The following PARD3 variants were observed in gnomAD, a reference collection of about 807,000 sequenced individuals.
The protein encoded by PARD3 is partitioning defective 3 homolog.
In PARD3, 75 loss-of-function variants were observed where a neutral mutation model predicts 155.4. The ratio of observed to expected loss-of-function variants is 0.48; its 90% confidence interval spans 0.40 to 0.58. PARD3 has a LOEUF of 0.58. Among genes scored for constraint, PARD3 ranks in the 20% least tolerant of loss-of-function variants. The pLI, the probability that PARD3 is intolerant of heterozygous loss-of-function variation, is 0.00. For missense variants in PARD3, 1,642 were observed against 1,721.7 expected (o/e 0.95, Z 0.82); for synonymous variants, 576 against 610.5 (o/e 0.94, Z 0.83).
intron 1 of PARD3, among the ~76,000 whole-genome samples, chr10:34,811,617 C>A (rs891091857): frequency 6.6e-6 from 1 of 152,200 alleles, no homozygotes; most frequent in East Asian, 1.9e-4. Flanking sequence ...CACAGTGGTG[C>A]CAATTAATGC....
intron 22 of PARD3, among the ~76,000 whole-genome samples, chr10:34,223,327 T>C (rs1240287755): frequency 6.6e-6 from 1 of 152,020 alleles, no homozygotes; most frequent in Admixed American, 6.6e-5. Flanking sequence ...GAGAAGAAAC[T>C]GAAAAAGACA....
chr10:34,338,894 C>T (rs550486065), intron 16 of PARD3, among the ~76,000 whole-genome samples: 5 of 152,260 alleles, frequency 3.3e-5, no homozygotes, highest in Admixed American at 3.3e-4. Context: ...ATGTAAATTG[C>T]TAACTACTAA....
At chr10:34,785,600 G>A (rs1259065350) in intron 1 of PARD3, among the ~76,000 whole-genome samples, 1 of 152,096 alleles carries the variant, frequency 6.6e-6, no homozygotes, top group Non-Finnish European at 1.5e-5. Flanking sequence ...AGCCAGGCAT[G>A]GTGGTGCATG....
chr10:34,513,007 T>C (rs2081491478), intron 3 of PARD3, among the ~76,000 whole-genome samples: 1 of 152,184 alleles, frequency 6.6e-6, no homozygotes, highest in East Asian at 1.9e-4. Context: ...TTAAAGTTAA[T>C]TGAAATAGTT....
chr10:34,483,051 G>C (rs1160929205), intron 3 of PARD3, among the ~76,000 whole-genome samples: 1 of 152,024 alleles, frequency 6.6e-6, no homozygotes, highest in African/African-American at 2.4e-5. Context: ...AGCTACTCAG[G>C]AGGTTGAGGC....
At position 34,286,437 on chromosome 10, in the gene PARD3, G is replaced by C. The variant is rs536481132; in HGVS notation, c.3066-2192C>G. Among the ~76,000 whole-genome samples the C allele has an allele frequency of 7.9e-5, 12 of 152,350 alleles. 1 individual carries two copies. Among genetic ancestry groups the C allele is most frequent in the African/African-American group, 2.4e-4 (10 of 41,594 alleles). Reference sequence around the variant, plus strand: ...GCAGAGTAAGGAGACCAGGACTGACGGGGAGGGTGATGGCCTCTCTCCTAA... The same window carrying C: ...GCAGAGTAAGGAGACCAGGACTGACCGGGAGGGTGATGGCCTCTCTCCTAA... On this transcript the variant is annotated intron_variant, in intron 20 of 24. Coordinates refer to ENST00000374788, the MANE Select transcript of PARD3 (RefSeq NM_001184785.2).
At chr10:34,342,678 C>T (rs912880278) in intron 15 of PARD3, among the ~76,000 whole-genome samples, 1 of 152,144 alleles carries the variant, frequency 6.6e-6, no homozygotes, top group East Asian at 1.9e-4. Context: ...CATACACAAG[C>T]GTGAAGGATT....
intron 2 of PARD3, among the ~76,000 whole-genome samples, chr10:34,559,041 T>C (rs55671247): frequency 0.033 from 4,891 of 149,052 alleles, 233 homozygotes; most frequent in African/African-American, 0.11. Flanking sequence ...AAACTCATTT[T>C]TCCCCCCCAC....
intron 22 of PARD3, among the ~76,000 whole-genome samples, chr10:34,251,648 T>TCC (rs1564519751): frequency 6.6e-6 from 1 of 152,054 alleles, no homozygotes; most frequent in South Asian, 2.1e-4. Context: ...CTTTTGCTCT[T>TCC]CCCCCTCTCT....
chr10:34,232,061 A>G (rs1952963175), intron 22 of PARD3, among the ~76,000 whole-genome samples: 1 of 152,130 alleles, frequency 6.6e-6, no homozygotes, highest in Admixed American at 6.5e-5. Context: ...AGGTCCAAAT[A>G]TTAATCAATC....
intron 22 of PARD3, among the ~76,000 whole-genome samples, chr10:34,167,591 T>G (rs1647904572): frequency 1.1e-5 from 1 of 87,672 alleles, no homozygotes; most frequent in Admixed American, 1.1e-4. Flanking sequence ...CAAAAGGTAA[T>G]ATTTAGGTAT....
intron 19 of PARD3, among the ~76,000 whole-genome samples, chr10:34,327,727 G>A (rs1249632119): frequency 6.6e-6 from 1 of 152,122 alleles, no homozygotes; most frequent in Non-Finnish European, 1.5e-5. Context: ...TGTCCCATGT[G>A]ACAAAAAGAC....
intron 1 of PARD3, 148 bp downstream of exon 1, chr10:34,814,728 G>T (rs1844684886): frequency 1.5e-6 from 1 of 646,736 alleles, no homozygotes; most frequent in Non-Finnish European, 2.4e-6. Context: ...CGCAGTCCGG[G>T]GCGGGGGGCG....
rs944854535 is a variant in PARD3, at chr10:34,397,568, T to C, written c.890+1762A>G. On this transcript the variant is annotated intron_variant, in intron 7 of 24. Coordinates refer to ENST00000374788, the MANE Select transcript of PARD3 (RefSeq NM_001184785.2). ...GGTGTATCAAAACTAAATGCCATGGTAACCAGAAACTGTGGTGGATTTTGT... is the reference window on the plus strand; with the variant it reads ...GGTGTATCAAAACTAAATGCCATGGCAACCAGAAACTGTGGTGGATTTTGT... Among the ~76,000 whole-genome samples the C allele has an allele frequency of 4.6e-5, 7 of 152,206 alleles. 1 individual carries two copies. Among genetic ancestry groups the C allele is most frequent in the Admixed American group, 4.6e-4 (7 of 15,286 alleles).
At chr10:34,668,199 G>A (rs183064194) in intron 2 of PARD3, among the ~76,000 whole-genome samples, 44 of 152,274 alleles carry the variant, frequency 2.9e-4, no homozygotes, top group Admixed American at 1.5e-3. Flanking sequence ...ACTATGTGCC[G>A]AGACAAGCCT....
intron 2 of PARD3, among the ~76,000 whole-genome samples, chr10:34,542,244 C>T (rs867487714): frequency 1.1e-5 from 1 of 94,110 alleles, no homozygotes; most frequent in African/African-American, 3.6e-5. Context: ...TGTGTGCACA[C>T]ACACACACGC....
At chr10:34,701,996 C>G (rs950638438) in intron 1 of PARD3, among the ~76,000 whole-genome samples, 4 of 151,998 alleles carry the variant, frequency 2.6e-5, no homozygotes, top group Admixed American at 6.6e-5. Flanking sequence ...AAGCAAGTCT[C>G]TACTAAAAAT....
chr10:34,560,808 G>A (rs1045852746), intron 2 of PARD3, among the ~76,000 whole-genome samples: 2 of 152,066 alleles, frequency 1.3e-5, no homozygotes, highest in Non-Finnish European at 2.9e-5. Context: ...TTATGATCAC[G>A]TTTTCATGAG....
intron 15 of PARD3, chr10:34,346,518 T>A (rs1837446249): frequency 1.5e-6 from 2 of 1,313,928 alleles, no homozygotes; most frequent in Non-Finnish European, 1.0e-6. Flanking sequence ...ATGCACACTC[T>A]CTCTCTCTCA....
Sources: gnomAD v4.1 joint callset for allele counts (sites outside exome capture counted in the v4.1 genomes callset) on GRCh38, gnomAD v4.1.1 for gene constraint, MANE v1.5 for transcripts, NCBI Gene and HGNC (gene_info 2026-07-23, HGNC 2026-07-21) for gene names.